Variants in DAB2IP observed in about 807,000 individuals in gnomAD.
The protein encoded by DAB2IP is DAB2 interacting protein, also known as disabled homolog 2-interacting protein.
In DAB2IP, 28 loss-of-function variants were observed where a neutral mutation model predicts 107.2. The observed-to-expected ratio is 0.26, with a 90% CI of 0.19 to 0.36. DAB2IP has a LOEUF of 0.36. DAB2IP is among the 10% of genes least tolerant of loss of function. DAB2IP has a pLI of 1.00. For missense variants in DAB2IP, 1,400 were observed against 1,644.7 expected (o/e 0.85, Z 2.57); for synonymous variants, 755 against 706.4 (o/e 1.07, Z -1.09).
At chr9:121,659,869 G>A (rs751554244) in intron 1 of DAB2IP, among the ~76,000 whole-genome samples, 17 of 152,200 alleles carry the variant, frequency 1.1e-4, no homozygotes, top group East Asian at 1.9e-4. Flanking sequence ...GTGGTTTCTC[G>A]GCATCCCTAC....
chr9:121,779,410 C>G (rs919966923), intron 14 of DAB2IP, among the ~76,000 whole-genome samples: 4 of 152,212 alleles, frequency 2.6e-5, no homozygotes, highest in Admixed American at 6.5e-5. Flanking sequence ...CTACTTCTCT[C>G]TGTATACTTG....
intron 1 of DAB2IP, among the ~76,000 whole-genome samples, chr9:121,656,403 G>T (rs529584475): frequency 1.3e-5 from 2 of 152,330 alleles, no homozygotes; most frequent in South Asian, 4.1e-4. Flanking sequence ...TGAGGTGGGG[G>T]GGTTTTGTGG....
intron 2 of DAB2IP, among the ~76,000 whole-genome samples, chr9:121,686,378 A>G (rs563781099): frequency 6.6e-6 from 1 of 152,160 alleles, no homozygotes; most frequent in Non-Finnish European, 1.5e-5. Flanking sequence ...GGGACTTCCA[A>G]ATACATCAGA....
intron 1 of DAB2IP, among the ~76,000 whole-genome samples, chr9:121,674,209 C>T (rs1285000162): frequency 6.6e-6 from 1 of 152,216 alleles, no homozygotes; most frequent in Non-Finnish European, 1.5e-5. Context: ...ACTCTCCCTC[C>T]TCCCCTCATC....
exon 1 of DAB2IP, chr9:121,567,145 G>A (rs779342806): frequency 1.6e-5 from 26 of 1,613,550 alleles, no homozygotes; most frequent in African/African-American, 4.0e-5. Flanking sequence ...AGACAGCCTC[G>A]GTTCATAAAT....
At chr9:121,574,663 T>C (rs922132554) in intron 1 of DAB2IP, among the ~76,000 whole-genome samples, 6 of 152,136 alleles carry the variant, frequency 3.9e-5, no homozygotes, top group African/African-American at 1.5e-4. Context: ...TGAGGAACAC[T>C]TGTGATTCAA....
chr9:121,632,038 G>C (rs1831908547), intron 1 of DAB2IP, among the ~76,000 whole-genome samples: 1 of 152,154 alleles, frequency 6.6e-6, no homozygotes, highest in East Asian at 1.9e-4. Context: ...CTGAGCCCAG[G>C]GTCCTCGTGG....
intron 2 of DAB2IP, among the ~76,000 whole-genome samples, chr9:121,680,381 A>G (rs1372110669): frequency 6.6e-6 from 1 of 152,196 alleles, no homozygotes; most frequent in Non-Finnish European, 1.5e-5. Context: ...AGCTTTCCCC[A>G]GGAGGTGATT....
intron 1 of DAB2IP, among the ~76,000 whole-genome samples, chr9:121,665,029 TG>T (rs1833362243): frequency 2.0e-5 from 3 of 152,168 alleles, no homozygotes. Flanking sequence ...ATTAGAACTT[TG>T]GAGATAAGTT....
At chr9:121,630,014 G>A (rs1043837584) in intron 1 of DAB2IP, among the ~76,000 whole-genome samples, 1 of 152,114 alleles carries the variant, frequency 6.6e-6, no homozygotes, top group African/African-American at 2.4e-5. Context: ...ATTACAAATG[G>A]TAATTCCTGC....
chr9:121,736,544 T>TG lies in DAB2IP; in HGVS notation c.363-20463dup, dbSNP rs1172520567. Among the ~76,000 whole-genome samples the TG allele has an allele frequency of 4.6e-4, 1 of 2,170 alleles. No homozygotes were observed. The highest frequency in any genetic ancestry group is 9.3e-4 in the Non-Finnish European group (1 of 1,070). The allele number at this position is 2,170 out of a possible 152,430, so 1.4% of individuals were successfully genotyped here. Reference sequence around the variant, plus strand: ...AAGGGCTGGGCCTACTGCTGTGGGGTGGGGGGCGGGTGGGAGGGCCCGGAG... The same window carrying TG: ...AAGGGCTGGGCCTACTGCTGTGGGGTGGGGGGGCGGGTGGGAGGGCCCGGAG... On this transcript the variant is annotated intron_variant, in intron 3 of 15. Coordinates refer to ENST00000408936, the Ensembl canonical transcript of DAB2IP. The surrounding 1 kb of genome is among the most constrained non-coding windows in gnomAD (Gnocchi z 4.6).
At chr9:121,638,966 G>T (rs1414556651) in intron 1 of DAB2IP, among the ~76,000 whole-genome samples, 1 of 152,150 alleles carries the variant, frequency 6.6e-6, no homozygotes, top group Non-Finnish European at 1.5e-5. Flanking sequence ...AGGGCTGGGG[G>T]CCAGGGTGGT....
chr9:121,629,511 G>A (rs1031946955), intron 1 of DAB2IP, among the ~76,000 whole-genome samples: 13 of 152,116 alleles, frequency 8.5e-5, no homozygotes, highest in Admixed American at 5.9e-4. Flanking sequence ...GGCAGGCGCC[G>A]GGCAGACAGT....
At chr9:121,655,581 G>A (rs1433059620) in intron 1 of DAB2IP, among the ~76,000 whole-genome samples, 1 of 152,214 alleles carries the variant, frequency 6.6e-6, no homozygotes, top group Non-Finnish European at 1.5e-5. Flanking sequence ...AGGGGACAGA[G>A]CAGTGGTTAG....
intron 1 of DAB2IP, among the ~76,000 whole-genome samples, chr9:121,626,790 C>T (rs372500674): frequency 1.9e-4 from 29 of 152,188 alleles, no homozygotes; most frequent in Middle Eastern, 6.8e-3. Context: ...TCAAGAATGA[C>T]GAAGGCACAG....
chr9:121,647,569 T>C (rs968530955), upstream of DAB2IP, among the ~76,000 whole-genome samples: 3 of 152,074 alleles, frequency 2.0e-5, no homozygotes, highest in African/African-American at 7.2e-5. Flanking sequence ...CTGATGGTTT[T>C]CTGCCTAGAG....
At chr9:121,609,011 G>A (rs923588616) in intron 1 of DAB2IP, among the ~76,000 whole-genome samples, 7 of 152,114 alleles carry the variant, frequency 4.6e-5, no homozygotes, top group African/African-American at 1.4e-4. Context: ...GCGCAATCTC[G>A]GCTCACTGCA....
In DAB2IP at chr9:121,702,502, A is replaced by G. The variant is rs1438336708; in HGVS notation, c.362+3044A>G. On this transcript the variant is annotated intron_variant, in intron 3 of 15. Transcript: ENST00000408936. This position sits in a 1 kb window ranked among gnomAD's most constrained non-coding sequence, Gnocchi z 4.5. ...GGTCTCCACAGTCTCTGGGTCCCTC[A>G]GACACTCATTTCTTCTTCAGAAGCT... Among the ~76,000 whole-genome samples the G allele has an allele frequency of 6.6e-6, 1 of 152,174 alleles. No homozygotes were observed. Among genetic ancestry groups the G allele is most frequent in the African/African-American group, 2.4e-5 (1 of 41,416 alleles).
intron 3 of DAB2IP, among the ~76,000 whole-genome samples, chr9:121,700,443 G>C (rs774062342): frequency 1.3e-5 from 2 of 152,204 alleles, no homozygotes; most frequent in Non-Finnish European, 1.5e-5. Flanking sequence ...ACATGTCCCT[G>C]CCCAGCCTGT....
Sources: allele counts gnomAD v4.1 joint callset (sites outside exome capture counted in the v4.1 genomes callset), GRCh38; gene constraint gnomAD v4.1.1; non-coding constraint Gnocchi (gnomAD v3.1); transcripts MANE v1.5; gene names NCBI Gene and HGNC (gene_info 2026-07-23, HGNC 2026-07-21).